ZNF696: variants seen among roughly 807,000 people sequenced by gnomAD.
ZNF696 encodes the protein zinc finger protein 696.
ZNF696 carries 10 observed loss-of-function variants against 12.3 expected under a neutral mutation model. That is an observed-to-expected ratio of 0.81 (90% CI 0.50 to 1.38). ZNF696 has a LOEUF of 1.38. Ranked by LOEUF, ZNF696 falls within the 40% of genes most tolerant of loss-of-function variation. The pLI, the probability that ZNF696 is intolerant of heterozygous loss-of-function variation, is 0.00. For missense variants in ZNF696, 675 were observed against 554.7 expected, an observed-to-expected ratio of 1.22 and a Z score of -2.18; for synonymous variants, 304 against 243.9, an observed-to-expected ratio of 1.25 and a Z score of -2.29.
intron 1 of ZNF696, among the ~76,000 whole-genome samples, chr8:143,292,547 G>T (rs1354357791): frequency 6.6e-6 from 1 of 151,644 alleles, no homozygotes; most frequent in Non-Finnish European, 1.5e-5. Context: ...ATTCAAATAA[G>T]TTGTTCTTTT....
chr8:143,296,062 C>G lies in ZNF696; in HGVS notation c.387C>G (p.Ala129=), dbSNP rs748629891. 2 of 1,594,340 alleles carry G rather than the reference C, an allele frequency of 1.3e-6. No homozygotes were observed. The highest frequency in any genetic ancestry group is 1.7e-5 in the Admixed American group (1 of 57,840). ...AGGGGCGGCCTTTCCCGTGCGGCGC[C>G]TGTGGCCGCAGCTTCAAGTGCTCCT... ...SWKGRPFPCG[A]CGRSFKCSSD... is the part of the protein sequence containing the mutation. The change falls in exon 3 of 3, where the codon GCC becomes GCG. Residue 129 remains alanine, a synonymous_variant. Coordinates refer to ENST00000330143, the MANE Select transcript of ZNF696 (RefSeq NM_030895.3).
chr8:143,295,336 C>T (rs1191577150), intron 2 of ZNF696: 1 of 464,852 alleles, frequency 2.2e-6, no homozygotes, highest in Non-Finnish European at 4.3e-6. Context: ...CCCCGTTTAG[C>T]CTCGTTTCTG....
chr8:143,296,935 T>C lies in ZNF696; in HGVS notation c.*135T>C. 1.2e-6 allele frequency: 1 copy of C among 841,660 alleles called. No individual in the cohort carries two copies. The highest frequency in any genetic ancestry group is 1.7e-6 in the Non-Finnish European group (1 of 601,524). The allele number at this position is 841,660 out of a possible 1,614,324, so 52.1% of individuals were successfully genotyped here. A position where few individuals can be genotyped will look rare whatever the true frequency, so the allele number is the denominator to read the frequency against. ...GCCTGGTTCTCGGGTTGCGAAAGCCTCGCCAGGCCTGCATCCGCCTTGGCT... is the reference window on the plus strand; with the variant it reads ...GCCTGGTTCTCGGGTTGCGAAAGCCCCGCCAGGCCTGCATCCGCCTTGGCT... On this transcript the variant is annotated 3_prime_UTR_variant, in exon 3 of 3. Coordinates refer to ENST00000330143, the MANE Select transcript of ZNF696 (RefSeq NM_030895.3).
Position 143,296,449 on chromosome 8 carries a change from C to A in ZNF696, c.774C>A (p.Thr258=). The A allele has an allele frequency of 6.2e-7, 1 of 1,604,548 alleles. No homozygotes were observed. The highest frequency in any genetic ancestry group is 8.5e-7 in the Non-Finnish European group (1 of 1,177,868). ...CGAACGTGGTCCGGCACCGGCGGAC[C>A]CACCACGGGGAGAACCCGTACGAGT... ...HSSNVVRHRR[T]HHGENPYECR... is the part of the protein sequence containing the mutation. The change falls in exon 3 of 3, where the codon ACC becomes ACA. Residue 258 remains threonine, a synonymous_variant. Transcript: ENST00000330143.
At position 143,293,020 on chromosome 8, in the gene ZNF696, C is replaced by G. The variant is rs1486416627; in HGVS notation, c.19C>G (p.Pro7Ala). 1 of 1,613,994 alleles carries G rather than the reference C, an allele frequency of 6.2e-7. No individual in the cohort carries two copies. The highest frequency in any genetic ancestry group is 1.1e-5 in the South Asian group (1 of 91,054). Residue 7 changes from proline to alanine, a missense_variant, in exon 2 of 3, where the codon CCC becomes GCC. Pro to Ala is a conservative substitution (Grantham distance 27, BLOSUM62 -1). Coordinates refer to ENST00000330143, the MANE Select transcript of ZNF696 (RefSeq NM_030895.3). ...CTGCAAGATGGAGCCAGGAGGAGAG[C>G]CCACAGGTGCTAAAGAGAGCAGTAC... MEPGGE[P>A]TGAKESSTLM...
chr8:143,296,772 A>C lies in ZNF696; in HGVS notation c.1097A>C (p.Gln366Pro). ...RAFRLSFHLIQHRRVHGAE is the reference protein window; with the variant it reads ...RAFRLSFHLIPHRRVHGAE ...TTCCGCCTGAGCTTCCACCTCATCC[A>C]GCACCGGCGGGTGCATGGCGCCGAG... is the stretch of plus-strand genomic sequence containing the variant. Residue 366 changes from glutamine to proline, a missense_variant, in exon 3 of 3, where the codon CAG becomes CCG. Transcript: ENST00000330143. The C allele has an allele frequency of 6.9e-7, 1 of 1,440,232 alleles. No homozygotes were observed. Among genetic ancestry groups the C allele is most frequent in the Non-Finnish European group, 9.0e-7 (1 of 1,105,242 alleles). 89.2% of individuals were successfully genotyped at this position (1,440,232 alleles called of 1,614,324 possible).
chr8:143,295,442 C>T lies in ZNF696; in HGVS notation c.65-298C>T, dbSNP rs1247009834. The T allele has an allele frequency of 9.3e-6, 6 of 646,446 alleles. No homozygotes were observed. In the East Asian group the frequency reaches 1.9e-4, roughly 20 times the overall value. 40.0% of individuals were successfully genotyped at this position (646,446 alleles called of 1,614,324 possible). Reference sequence around the variant, plus strand: ...CTCCAAGTCTCAAGTGGTCCTCCTGCCTCAGCCTCTGAAAGTGCGGAGATA... The same window carrying T: ...CTCCAAGTCTCAAGTGGTCCTCCTGTCTCAGCCTCTGAAAGTGCGGAGATA... On this transcript the variant is annotated intron_variant, in intron 2 of 2. Coordinates refer to ENST00000330143, the MANE Select transcript of ZNF696 (RefSeq NM_030895.3).
At chr8:143,294,279 T>C (rs751820049) in intron 2 of ZNF696, among the ~76,000 whole-genome samples, 31 of 152,182 alleles carry the variant, frequency 2.0e-4, no homozygotes, top group Non-Finnish European at 3.7e-4. Context: ...CAAGGGCCAT[T>C]GATAACGCAG....
chr8:143,291,661 C>A lies in ZNF696; in HGVS notation c.-137C>A, dbSNP rs1348318156. 15 of 985,392 alleles carry A rather than the reference C, an allele frequency of 1.5e-5. No individual in the cohort carries two copies. The Admixed American group carries it at 5.5e-4, about 36-fold the overall frequency. 61.0% of individuals were successfully genotyped at this position (985,392 alleles called of 1,614,324 possible). A position where few individuals can be genotyped will look rare whatever the true frequency, so the allele number is the denominator to read the frequency against. ...CGGGGCTTCCTGCGAGCTGAGTCCC[C>A]GCTGCGCGTCTTCAGGCCTTTGTAA... On this transcript the variant is annotated 5_prime_UTR_variant, in exon 1 of 3. Transcript: ENST00000330143.
Position 143,296,730 on chromosome 8 carries a change from C to G in ZNF696, c.1055C>G (p.Thr352Ser). 2 of 1,515,510 alleles carry G rather than the reference C, an allele frequency of 1.3e-6. No individual in the cohort carries two copies. Among genetic ancestry groups the G allele is most frequent in the Non-Finnish European group, 1.8e-6 (2 of 1,142,152 alleles). The allele number at this position is 1,515,510 out of a possible 1,614,324, so 93.9% of individuals were successfully genotyped here. ...LHTGEKPFRCTECGRAFRLSF... is the reference protein window; with the variant it reads ...LHTGEKPFRCSECGRAFRLSF... ...ACGGGCGAGAAGCCGTTCCGCTGCA[C>G]CGAGTGCGGCCGCGCCTTCCGCCTG... The change falls in exon 3 of 3, where the codon ACC becomes AGC. Residue 352 changes from threonine to serine, a missense_variant. Thr to Ser is a moderately conservative substitution (Grantham distance 58). Coordinates refer to ENST00000330143, the MANE Select transcript of ZNF696 (RefSeq NM_030895.3).
rs1815752078 is a variant in ZNF696, at chr8:143,298,250, C to T, written c.*1450C>T. Reference sequence around the variant, plus strand: ...GAATTCTGGGTCCTGAGCTGGCTGCCGCTTCCAAGACAGTCGCTTTGAGGG... The same window carrying T: ...GAATTCTGGGTCCTGAGCTGGCTGCTGCTTCCAAGACAGTCGCTTTGAGGG... On this transcript the variant is annotated 3_prime_UTR_variant, in exon 3 of 3. Transcript: ENST00000330143. Among the ~76,000 whole-genome samples the T allele has an allele frequency of 6.6e-6, 1 of 152,134 alleles. No individual in the cohort carries two copies. The highest frequency in any genetic ancestry group is 2.4e-5 in the African/African-American group (1 of 41,410).
Position 143,296,646 on chromosome 8 carries a change from G to T in ZNF696, c.971G>T (p.Gly324Val). 1 of 1,581,628 alleles carries T rather than the reference G, an allele frequency of 6.3e-7. No homozygotes were observed. Among genetic ancestry groups the T allele is most frequent in the East Asian group, 2.3e-5 (1 of 43,834 alleles). ...ACCGGGGAGAAGCCCCACCAGTGCGGCCACTGCGGGCGCGCGTTCCGGGCG... is the reference window on the plus strand; with the variant it reads ...ACCGGGGAGAAGCCCCACCAGTGCGTCCACTGCGGGCGCGCGTTCCGGGCG... ...IHTGEKPHQC[G>V]HCGRAFRALS... Residue 324 changes from glycine to valine, a missense_variant, in exon 3 of 3, where the codon GGC (glycine) becomes GTC (valine). Physicochemically the swap from Gly to Val is moderately radical, Grantham distance 109. Transcript: ENST00000330143.
rs998521244 is a variant in ZNF696, at chr8:143,297,701, C to T, written c.*901C>T. On this transcript the variant is annotated 3_prime_UTR_variant, in exon 3 of 3. Transcript: ENST00000330143. ...TCGTGGGGTCCCCGGGGCCCACCGTCTGCACTTGGCATCTGAAGTCGGGGT... is the reference window on the plus strand; with the variant it reads ...TCGTGGGGTCCCCGGGGCCCACCGTTTGCACTTGGCATCTGAAGTCGGGGT... 2.0e-4 allele frequency: 30 copies of T among 152,158 alleles called. No homozygotes were observed. Among genetic ancestry groups the T allele is most frequent in the African/African-American group, 7.2e-4 (30 of 41,440 alleles). 9.4% of individuals were successfully genotyped at this position (152,158 alleles called of 1,614,324 possible). A position where few individuals can be genotyped will look rare whatever the true frequency, so the allele number is the denominator to read the frequency against.
chr8:143,295,769 C>G lies in ZNF696; in HGVS notation c.94C>G (p.Pro32Ala), dbSNP rs777128472. The G allele has an allele frequency of 3.7e-6, 6 of 1,603,508 alleles. No homozygotes were observed. The highest frequency in any genetic ancestry group is 5.1e-6 in the Non-Finnish European group (6 of 1,176,348). Residue 32 changes from proline to alanine, a missense_variant, in exon 3 of 3, where the codon CCG becomes GCG. Coordinates refer to ENST00000330143, the MANE Select transcript of ZNF696 (RefSeq NM_030895.3). Reference sequence around the variant, plus strand: ...GAAGGCTGCTTTCCTGGCGCAGGCCCCGAGTGGCAGCCGGTCAGCCGAGGT... The same window carrying G: ...GAAGGCTGCTTTCCTGGCGCAGGCCGCGAGTGGCAGCCGGTCAGCCGAGGT... ...AVKAAFLAQA[P>A]SGSRSAEVQA... is the part of the protein sequence containing the mutation.
chr8:143,295,199 C>G (rs1440381947), intron 2 of ZNF696, among the ~76,000 whole-genome samples: 1 of 152,214 alleles, frequency 6.6e-6, no homozygotes, highest in Non-Finnish European at 1.5e-5. Context: ...TTGCTGCCAG[C>G]TGTCTCCAGC....
Position 143,292,968 on chromosome 8 carries a change from G to A in ZNF696, c.-30-4G>A. On this transcript the variant is annotated splice_region_variant and splice_polypyrimidine_tract_variant and intron_variant, in intron 1 of 2. Coordinates refer to ENST00000330143, the MANE Select transcript of ZNF696 (RefSeq NM_030895.3). ...TTTATTTTCCTTTTCTTTTACCTAA[G>A]CAGAAATTGTTCCAACTGCTGGTGT... 1 of 1,611,974 alleles carries A rather than the reference G, an allele frequency of 6.2e-7. No homozygotes were observed. The highest frequency in any genetic ancestry group is 8.5e-7 in the Non-Finnish European group (1 of 1,179,204).
chr8:143,292,709 C>T (rs895082496), intron 1 of ZNF696, among the ~76,000 whole-genome samples: 1 of 152,248 alleles, frequency 6.6e-6, no homozygotes, highest in African/African-American at 2.4e-5. Flanking sequence ...CACCTGTGCT[C>T]TGCGTCAGCC....
rs1204190206 is a variant in ZNF696 at position 143,298,789 on chromosome 8, TG to T, written c.*1991del. On this transcript the variant is annotated 3_prime_UTR_variant, in exon 3 of 3. Coordinates refer to ENST00000330143, the MANE Select transcript of ZNF696 (RefSeq NM_030895.3). ...GAAATGAAAAACAGGCCAGGTGCAG[TG>T]GTTCATGCCTATAATCCCAACACTT... Among the ~76,000 whole-genome samples the T allele has an allele frequency of 3.3e-5, 5 of 152,202 alleles. No homozygotes were observed. Among genetic ancestry groups the T allele is most frequent in the Non-Finnish European group, 7.3e-5 (5 of 68,042 alleles).
Position 143,291,471 on chromosome 8 carries a change from G to C in ZNF696, c.-327G>C. On this transcript the variant is annotated 5_prime_UTR_variant, in exon 1 of 3. Coordinates refer to ENST00000330143, the MANE Select transcript of ZNF696 (RefSeq NM_030895.3). ...GCTGAGGCCCCGGCTTCTCTTGCTG[G>C]GGTGTCGATTCGGGAGGGCTGAGGG... 1 of 985,524 alleles carries C rather than the reference G, an allele frequency of 1.0e-6. No homozygotes were observed. The highest frequency in any genetic ancestry group is 1.2e-6 in the Non-Finnish European group (1 of 829,998). The allele number at this position is 985,524 out of a possible 1,614,324, so 61.0% of individuals were successfully genotyped here. A position where few individuals can be genotyped will look rare whatever the true frequency, so the allele number is the denominator to read the frequency against.
Sources: allele counts gnomAD v4.1 joint callset (sites outside exome capture counted in the v4.1 genomes callset), GRCh38; gene constraint gnomAD v4.1.1; transcripts MANE v1.5; gene names NCBI Gene and HGNC (gene_info 2026-07-23, HGNC 2026-07-21).